Variants in TMC7 observed in about 807,000 individuals in gnomAD.
TMC7 encodes transmembrane channel like 7, also known as transmembrane channel-like protein 7.
TMC7 carries 54 observed loss-of-function variants against 82.9 expected under a neutral mutation model. The observed-to-expected ratio is 0.65, with a 90% CI of 0.52 to 0.82. The LOEUF (loss-of-function observed/expected upper bound fraction) is 0.82. Among genes scored for constraint, TMC7 ranks in the 40% least tolerant of loss-of-function variants. The pLI, the probability that TMC7 is intolerant of heterozygous loss-of-function variation, is 0.00. For synonymous variants in TMC7, 350 were observed against 337.9 expected (o/e 1.04, Z -0.39); for missense variants, 820 against 901.2 (o/e 0.91, Z 1.15).
At chr16:19,036,215 A>G (rs1960740433) in intron 7 of TMC7, among the ~76,000 whole-genome samples, 1 of 152,204 alleles carries the variant, frequency 6.6e-6, no homozygotes, top group Admixed American at 6.5e-5. Context: ...TGGAGAGTAT[A>G]TGAAAAAGTA....
intron 1 of TMC7, among the ~76,000 whole-genome samples, chr16:18,989,844 A>G (rs1312735235): frequency 1.3e-5 from 2 of 150,986 alleles, no homozygotes. Flanking sequence ...TTTTTTTGAG[A>G]TGATATCTAG....
chr16:19,009,073 A>G (rs1596736176), intron 1 of TMC7, 99 bp from the exon 2 acceptor site: 2 of 1,355,872 alleles, frequency 1.5e-6, no homozygotes, highest in East Asian at 4.6e-5. Flanking sequence ...CAGGCTAGTA[A>G]CTATCTGCAA....
At chr16:19,032,458 G>A (rs1184240154) in intron 6 of TMC7, among the ~76,000 whole-genome samples, 1 of 151,956 alleles carries the variant, frequency 6.6e-6, no homozygotes, top group Non-Finnish European at 1.5e-5. Context: ...TTGTGCCAGG[G>A]GAGATCCAAG....
intron 3 of TMC7, among the ~76,000 whole-genome samples, chr16:19,017,670 T>TG (rs1455070123): frequency 2.3e-5 from 3 of 129,848 alleles, no homozygotes; most frequent in Non-Finnish European, 4.6e-5. Flanking sequence ...AAAAACAGTT[T>TG]TTTTTTTTTT....
chr16:18,987,025 T>TCGATCTC (rs1275735546), intron 1 of TMC7, among the ~76,000 whole-genome samples: 1 of 152,122 alleles, frequency 6.6e-6, no homozygotes, highest in Non-Finnish European at 1.5e-5. Flanking sequence ...CAGGATGGTC[T>TCGATCTC]CGATCTCCTG....
chr16:19,050,156 G>C (rs1186886863), intron 12 of TMC7, among the ~76,000 whole-genome samples: 1 of 151,876 alleles, frequency 6.6e-6, no homozygotes, highest in Non-Finnish European at 1.5e-5. Context: ...TGGATCACGA[G>C]GTCAGGAGAT....
chr16:19,032,774 C>G (rs996734518), intron 6 of TMC7, among the ~76,000 whole-genome samples: 4 of 152,048 alleles, frequency 2.6e-5, no homozygotes, highest in African/African-American at 9.7e-5. Flanking sequence ...ATTACAGGTG[C>G]ACGCCACCAC....
Position 19,059,291 on chromosome 16 carries a change from C to T in TMC7, c.2028-125C>T, listed in dbSNP as rs918047957. The T allele has an allele frequency of 1.0e-5, 15 of 1,477,750 alleles. No homozygotes were observed. In the African/African-American group the frequency reaches 1.8e-4, roughly 18 times the overall value. The allele number at this position is 1,477,750 out of a possible 1,614,324, so 91.5% of individuals were successfully genotyped here. A position where few individuals can be genotyped will look rare whatever the true frequency, so the allele number is the denominator to read the frequency against. On this transcript the variant is annotated intron_variant, in intron 14 of 15. Transcript: ENST00000304381. ...AAAGCACTGGTATTATAAAATGAGCCATCATGCCCAGCCTTCTTTTCTAAC... is the reference window on the plus strand; with the variant it reads ...AAAGCACTGGTATTATAAAATGAGCTATCATGCCCAGCCTTCTTTTCTAAC...
intron 1 of TMC7, among the ~76,000 whole-genome samples, chr16:19,003,306 C>T (rs753159272): frequency 2.6e-5 from 4 of 152,188 alleles, no homozygotes; most frequent in Admixed American, 6.6e-5. Flanking sequence ...AGAGCAAGAC[C>T]CTATCTCAAA....
intron 1 of TMC7, chr16:18,984,467 A>C (rs1281042746): frequency 1.3e-5 from 14 of 1,117,948 alleles, no homozygotes; most frequent in Non-Finnish European, 1.3e-5. Context: ...CACCCCCTCC[A>C]CGCCTAACAT....
chr16:19,041,343 C>A (rs1961003811), intron 9 of TMC7, among the ~76,000 whole-genome samples: 1 of 152,110 alleles, frequency 6.6e-6, no homozygotes, highest in Non-Finnish European at 1.5e-5. Context: ...AGGCAACATG[C>A]CATTTCATCT....
intron 3 of TMC7, among the ~76,000 whole-genome samples, chr16:19,019,366 A>T (rs1959859275): frequency 6.6e-6 from 1 of 152,192 alleles, no homozygotes; most frequent in Non-Finnish European, 1.5e-5. Flanking sequence ...CATATTTCTA[A>T]AAGGCTTCTT....
intron 5 of TMC7, among the ~76,000 whole-genome samples, chr16:19,025,779 A>G (rs1301834924): frequency 1.3e-5 from 2 of 150,086 alleles, no homozygotes; most frequent in African/African-American, 4.9e-5. Context: ...TCTTTTTGAG[A>G]CAAGATCTGG....
intron 7 of TMC7, among the ~76,000 whole-genome samples, chr16:19,037,214 C>T (rs926762089): frequency 1.3e-5 from 2 of 151,040 alleles, no homozygotes; most frequent in Non-Finnish European, 2.9e-5. Flanking sequence ...ATGGTGAAAC[C>T]CCGTCTCTAC....
chr16:19,020,093 GA>G (rs993855758), intron 3 of TMC7, among the ~76,000 whole-genome samples: 8 of 151,614 alleles, frequency 5.3e-5, no homozygotes, highest in African/African-American at 1.9e-4. Context: ...CAGAATAAAA[GA>G]AAAAAAATAT....
Position 19,045,448 on chromosome 16 carries a change from AG to A in TMC7, c.1553+14del, listed in dbSNP as rs1199589270. On this transcript the variant is annotated intron_variant, in intron 11 of 15. Transcript: ENST00000304381. The stretch of plus-strand genomic sequence containing the variant: ...TGGATTTTCCTAGAAAGTAAGTGCG[AG>A]GGGTGCCCATATTATCCCCCCCACC... 5 of 1,589,934 alleles carry A rather than the reference AG, an allele frequency of 3.1e-6. No homozygotes were observed. The highest frequency in any genetic ancestry group is 4.3e-6 in the Non-Finnish European group (5 of 1,157,928).
At chr16:19,024,087 T>C (rs1960112707) in intron 5 of TMC7, among the ~76,000 whole-genome samples, 1 of 152,206 alleles carries the variant, frequency 6.6e-6, no homozygotes, top group African/African-American at 2.4e-5. Context: ...ATGGACTTAA[T>C]CTCTTTGCTT....
intron 12 of TMC7, among the ~76,000 whole-genome samples, chr16:19,048,565 G>C (rs1028104847): frequency 1.3e-5 from 2 of 152,240 alleles, no homozygotes; most frequent in East Asian, 3.9e-4. Flanking sequence ...GGGATTACAG[G>C]CATGTGCCAC....
Position 19,045,440 on chromosome 16 carries a change from T to C in TMC7, c.1553+2T>C. ...ACTCTTCGTGGATTTTCCTAGAAAG[T>C]AAGTGCGAGGGGTGCCCATATTATC... On this transcript the variant is annotated splice_donor_variant, in intron 11 of 15. Transcript: ENST00000304381. LOFTEE classifies it high-confidence loss of function. 6.8e-6 allele frequency: 11 copies of C among 1,608,278 alleles called. No individual in the cohort carries two copies. The highest frequency in any genetic ancestry group is 9.4e-6 in the Non-Finnish European group (11 of 1,175,066).
Sources: allele counts gnomAD v4.1 joint callset (sites outside exome capture counted in the v4.1 genomes callset), GRCh38; gene constraint gnomAD v4.1.1; transcripts MANE v1.5; gene names NCBI Gene and HGNC (gene_info 2026-07-23, HGNC 2026-07-21).